Variants in STK10 observed in about 807,000 individuals in gnomAD.
The protein encoded by STK10 is serine/threonine kinase 10.
A neutral mutation model predicts 113.8 loss-of-function variants in STK10; 78 were observed. The ratio of observed to expected loss-of-function variants is 0.69; its 90% CI spans 0.57 to 0.83. STK10 has a LOEUF of 0.83. Ranked by LOEUF, STK10 falls within the 40% of genes least tolerant of loss-of-function variation. The pLI is 0.00. For synonymous variants in STK10, 465 were observed against 494.7 expected, an observed-to-expected ratio of 0.94 and a Z score of 0.80; for missense variants, 1,109 against 1,280.1, an observed-to-expected ratio of 0.87 and a Z score of 2.04.
At chr5:172,098,576 A>G (rs536959885) in intron 7 of STK10, among the ~76,000 whole-genome samples, 1 of 152,328 alleles carries the variant, frequency 6.6e-6, no homozygotes, top group African/African-American at 2.4e-5. Context: ...GCTGCAGTGC[A>G]GCAGTGATAT....
At chr5:172,166,727 G>A (rs1235388605) in intron 1 of STK10, among the ~76,000 whole-genome samples, 3 of 152,294 alleles carry the variant, frequency 2.0e-5, no homozygotes, top group East Asian at 3.9e-4. Context: ...TAGTAAAATG[G>A]GTGAACGCAT....
chr5:172,125,732 G>A (rs1479143728), intron 3 of STK10, among the ~76,000 whole-genome samples: 1 of 152,188 alleles, frequency 6.6e-6, no homozygotes, highest in Non-Finnish European at 1.5e-5. Flanking sequence ...TGGTATAGCT[G>A]TTTATGCTTG....
At chr5:172,172,171 C>T (rs909200602) in intron 1 of STK10, among the ~76,000 whole-genome samples, 1 of 152,186 alleles carries the variant, frequency 6.6e-6, no homozygotes, top group South Asian at 2.1e-4. Context: ...GCCTGGGTGA[C>T]AAGAGTAAAA....
chr5:172,157,116 T>C (rs1770366080), intron 1 of STK10, among the ~76,000 whole-genome samples: 2 of 152,188 alleles, frequency 1.3e-5, no homozygotes, highest in African/African-American at 2.4e-5. Context: ...ACAATACTTT[T>C]TGCATAAAAA....
intron 9 of STK10, chr5:172,092,670 CA>C (rs1302404179): frequency 6.6e-6 from 1 of 152,190 alleles, no homozygotes; most frequent in Non-Finnish European, 1.5e-5. Context: ...AAAACAAAAT[CA>C]TACAGTATTT....
At chr5:172,099,947 G>A (rs763474115) in intron 7 of STK10, among the ~76,000 whole-genome samples, 2 of 152,166 alleles carry the variant, frequency 1.3e-5, no homozygotes, top group South Asian at 2.1e-4. Flanking sequence ...CCACCCCAGC[G>A]TCCTTAGGAG....
At chr5:172,168,280 T>C (rs973527752) in intron 1 of STK10, among the ~76,000 whole-genome samples, 12 of 152,114 alleles carry the variant, frequency 7.9e-5, no homozygotes, top group Admixed American at 6.5e-4. Context: ...AGGCGGTCAA[T>C]CGCAGGAAGG....
chr5:172,124,121 T>C (rs1397288695), intron 3 of STK10, among the ~76,000 whole-genome samples: 1 of 151,978 alleles, frequency 6.6e-6, no homozygotes, highest in African/African-American at 2.4e-5. Context: ...AGAGACGGGG[T>C]TTTGCCCTGT....
intron 12 of STK10, among the ~76,000 whole-genome samples, chr5:172,076,895 A>C (rs1284170849): frequency 6.6e-6 from 1 of 152,226 alleles, no homozygotes; most frequent in Non-Finnish European, 1.5e-5. Flanking sequence ...CAGGACAGAC[A>C]ATTAGAAGCA....
chr5:172,083,002 G>A lies in STK10; in HGVS notation c.1768C>T (p.Gln590Ter). ...AAACGTTTATGCATTTGCTCCAGCT[G>A]CAGCTCATGCTTGTTACTCAGCTGG... is the stretch of plus-strand genomic sequence containing the variant. The part of the protein sequence containing the change: ...QTQLSNKHEL[Q>*]LEQMHKRFEQ... Residue 590 changes from glutamine to a stop codon, truncating the protein, a stop_gained, in exon 11 of 19, where the codon CAG (glutamine) becomes TAG (stop). Transcript: ENST00000176763. LOFTEE classifies it high-confidence loss of function. The A allele has an allele frequency of 2.5e-6, 4 of 1,614,016 alleles. No individual in the cohort carries two copies. The highest frequency in any genetic ancestry group is 3.4e-6 in the Non-Finnish European group (4 of 1,180,024).
rs1412360881 is a variant in STK10 at position 172,093,778 on chromosome 5, C to T, written c.1188G>A (p.Val396=). 1 of 1,610,038 alleles carries T rather than the reference C, an allele frequency of 6.2e-7. No individual in the cohort carries two copies. The highest frequency in any genetic ancestry group is 8.5e-7 in the Non-Finnish European group (1 of 1,176,760). Residue 396 remains valine (V), a synonymous_variant, in exon 9 of 19, where the codon GTG becomes GTA. Coordinates refer to ENST00000176763, the MANE Select transcript of STK10 (RefSeq NM_005990.4). The surrounding 1 kb of genome is among the most constrained non-coding windows in gnomAD (Gnocchi z 4.1). ...RSLQTTSPPV[V]APGNENGLAV... The stretch of plus-strand genomic sequence containing the variant: ...CCAGGCCGTTCTCATTTCCAGGGGC[C>T]ACGACTGGGGGACTGGTGGTTTGGA...
intron 1 of STK10, among the ~76,000 whole-genome samples, chr5:172,175,771 A>G (rs1246544817): frequency 6.6e-6 from 1 of 152,146 alleles, no homozygotes; most frequent in Non-Finnish European, 1.5e-5. Context: ...GTGCTATGCA[A>G]GAGAAAAGAG....
At chr5:172,184,895 A>T (rs1770925302) in intron 1 of STK10, among the ~76,000 whole-genome samples, 2 of 152,150 alleles carry the variant, frequency 1.3e-5, no homozygotes. Context: ...TCCTAACCTC[A>T]AGTGATCCAC....
chr5:172,056,848 T>C (rs940103104), intron 15 of STK10, among the ~76,000 whole-genome samples: 6 of 145,616 alleles, frequency 4.1e-5, no homozygotes, highest in Admixed American at 3.5e-4. Flanking sequence ...CACTCCAGCC[T>C]GAGTGAGAGA....
chr5:172,163,924 G>A (rs1770516259), intron 1 of STK10, among the ~76,000 whole-genome samples: 1 of 151,970 alleles, frequency 6.6e-6, no homozygotes, highest in Non-Finnish European at 1.5e-5. Flanking sequence ...TCAAGAATAG[G>A]CACGTGGCCA....
chr5:172,146,814 C>T (rs1228375452), intron 2 of STK10, among the ~76,000 whole-genome samples: 2 of 152,248 alleles, frequency 1.3e-5, no homozygotes, highest in Non-Finnish European at 2.9e-5. Context: ...CAATCATCAA[C>T]ACAGAAGACA....
intron 13 of STK10, among the ~76,000 whole-genome samples, chr5:172,062,334 T>C (rs181909563): frequency 6.6e-6 from 1 of 152,326 alleles, no homozygotes; most frequent in East Asian, 1.9e-4. Flanking sequence ...CCACTCATCT[T>C]ATCCCCCAGA....
At chr5:172,045,899 A>T (rs934002237) in intron 18 of STK10, among the ~76,000 whole-genome samples, 3 of 151,218 alleles carry the variant, frequency 2.0e-5, no homozygotes, top group African/African-American at 7.3e-5. Context: ...CGTGTTGGCC[A>T]GACTGGTCTC....
chr5:172,128,471 A>C (rs1769677187), intron 2 of STK10, among the ~76,000 whole-genome samples: 2 of 151,902 alleles, frequency 1.3e-5, no homozygotes, highest in East Asian at 3.9e-4. Flanking sequence ...GCTGGGATTA[A>C]AGGCACCTGC....
Sources: gnomAD v4.1 joint callset for allele counts (sites outside exome capture counted in the v4.1 genomes callset) on GRCh38, gnomAD v4.1.1 for gene constraint, Gnocchi (gnomAD v3.1) non-coding constraint, MANE v1.5 for transcripts, NCBI Gene and HGNC (gene_info 2026-07-23, HGNC 2026-07-21) for gene names.